CENPP: variants seen among roughly 807,000 people sequenced by gnomAD.
The protein encoded by CENPP is centromere protein P.
In CENPP, 24 loss-of-function variants were observed where a neutral mutation model predicts 35.6. The observed-to-expected ratio is 0.67, with a 90% CI of 0.49 to 0.95. The LOEUF is 0.95. CENPP is among the 40% of genes least tolerant of loss of function. CENPP has a pLI of 0.00. For synonymous variants in CENPP, 120 were observed against 125.5 expected, an observed-to-expected ratio of 0.96 and a Z score of 0.29; for missense variants, 332 against 345.3, an observed-to-expected ratio of 0.96 and a Z score of 0.31.
At position 92,613,911 on chromosome 9, in the gene CENPP, C is replaced by T. The variant is rs921006200; in HGVS notation, c.*762C>T. 1.3e-5 allele frequency: 2 copies of T among 152,264 alleles called. No individual in the cohort carries two copies. The highest frequency in any genetic ancestry group is 2.9e-5 in the Non-Finnish European group (2 of 68,088). The allele number at this position is 152,264 out of a possible 1,614,324, so 9.4% of individuals were successfully genotyped here. A position where few individuals can be genotyped will look rare whatever the true frequency, so the allele number is the denominator to read the frequency against. On this transcript the variant is annotated 3_prime_UTR_variant, in exon 8 of 8. Transcript: ENST00000375587. ...TAAGATCTGTGAACGCGTGTTGTCT[C>T]AAACCAGTCAGGGCCGTCATGACTA...
intron 5 of CENPP, chr9:92,509,775 A>G: frequency 9.5e-7 from 1 of 1,050,018 alleles, no homozygotes; most frequent in Non-Finnish European, 1.3e-6. Context: ...ATCAACTCAA[A>G]TGGTTAAGTG....
chr9:92,547,295 C>T (rs1000766078), intron 5 of CENPP, among the ~76,000 whole-genome samples: 1 of 152,220 alleles, frequency 6.6e-6, no homozygotes, highest in Non-Finnish European at 1.5e-5. Flanking sequence ...GCTTCAACTA[C>T]TAGCTGTATC....
At chr9:92,572,013 GCA>G in intron 5 of CENPP, among the ~76,000 whole-genome samples, 2 of 150,872 alleles carry the variant, frequency 1.3e-5, no homozygotes, top group South Asian at 4.2e-4. Flanking sequence ...CCTGAATACA[GCA>G]CACAGATGGG....
At chr9:92,514,982 T>C (rs750464502) in intron 5 of CENPP, 2 of 1,614,090 alleles carry the variant, frequency 1.2e-6, no homozygotes, top group Non-Finnish European at 1.7e-6. Flanking sequence ...TGCCCCTGAT[T>C]TCTAGATTCA....
Position 92,551,979 on chromosome 9 carries a change from GTGTGTATATATGTGAT to G in CENPP, c.565-59334_565-59319del, listed in dbSNP as rs1472958928. Among the ~76,000 whole-genome samples the G allele has an allele frequency of 7.3e-5, 4 of 54,784 alleles. No individual in the cohort carries two copies. In the African/African-American group the frequency reaches 8.9e-4, roughly 12 times the overall value. 35.9% of individuals were successfully genotyped at this position (54,784 alleles called of 152,430 possible). On this transcript the variant is annotated intron_variant, in intron 5 of 7. Transcript: ENST00000375587. ...ATATATATATGTGTGATATATATGT[GTGTGTATATATGTGAT>G]ATATATGTGTATATATATGATATGA...
chr9:92,337,741 G>A, intron 3 of CENPP, 112 bp downstream of exon 3: 2 of 752,770 alleles, frequency 2.7e-6, no homozygotes, highest in Non-Finnish European at 4.7e-6. Context: ...ATGAGCCAGG[G>A]CCCCCCCATT....
intron 5 of CENPP, chr9:92,495,402 A>C (rs970301265): frequency 1.0e-6 from 1 of 984,976 alleles, no homozygotes; most frequent in African/African-American, 1.7e-5. Flanking sequence ...GAATAAAATG[A>C]TGTATTTCAG....
rs1442613160 is a variant in CENPP, at chr9:92,551,962, A to G, written c.565-59352A>G. Among the ~76,000 whole-genome samples, 3 of 112,864 alleles carry G rather than the reference A, an allele frequency of 2.7e-5. 1 individual carries two copies. The highest frequency in any genetic ancestry group is 5.1e-5 in the Non-Finnish European group (3 of 58,632). 74.0% of individuals were successfully genotyped at this position (112,864 alleles called of 152,430 possible). On this transcript the variant is annotated intron_variant, in intron 5 of 7. Transcript: ENST00000375587. ...ATATATATATATATATGATATATAT[A>G]TGTGTGATATATATGTGTGTGTATA...
chr9:92,540,361 C>T (rs1849287619), intron 5 of CENPP, among the ~76,000 whole-genome samples: 1 of 151,454 alleles, frequency 6.6e-6, no homozygotes, highest in South Asian at 2.1e-4. Flanking sequence ...TCCCTTGAAC[C>T]CAGGCGGCAA....
At chr9:92,514,637 G>C (rs765700180) in intron 5 of CENPP, 32 of 1,577,968 alleles carry the variant, frequency 2.0e-5, no homozygotes, top group Non-Finnish European at 2.8e-5. Context: ...TTACCAGTGA[G>C]CTCCAGACTT....
chr9:92,445,831 C>G (rs574223906), intron 5 of CENPP, among the ~76,000 whole-genome samples: 1 of 150,850 alleles, frequency 6.6e-6, no homozygotes, highest in Non-Finnish European at 1.5e-5. Context: ...TGCAGTGAGC[C>G]GAGTTACACC....
At chr9:92,591,915 G>A (rs1191085790) in intron 5 of CENPP, among the ~76,000 whole-genome samples, 1 of 151,890 alleles carries the variant, frequency 6.6e-6, no homozygotes, top group Non-Finnish European at 1.5e-5. Context: ...TGCTTCATGA[G>A]GTCAGGAATA....
At chr9:92,337,038 C>T (rs1405768820) in intron 2 of CENPP, among the ~76,000 whole-genome samples, 1 of 152,224 alleles carries the variant, frequency 6.6e-6, no homozygotes, top group African/African-American at 2.4e-5. Flanking sequence ...GAAAACTTGG[C>T]CGGGCGCAGT....
chr9:92,565,470 T>A (rs1849947069), intron 5 of CENPP, among the ~76,000 whole-genome samples: 1 of 152,140 alleles, frequency 6.6e-6, no homozygotes, highest in Non-Finnish European at 1.5e-5. Context: ...TCTGGTCAAT[T>A]TCAGCTCTTA....
intron 1 of CENPP, among the ~76,000 whole-genome samples, chr9:92,327,065 C>A (rs1840561395): frequency 6.6e-6 from 1 of 152,212 alleles, no homozygotes; most frequent in Non-Finnish European, 1.5e-5. Context: ...TTGAGGTGTG[C>A]TCCACAGATG....
intron 4 of CENPP, among the ~76,000 whole-genome samples, chr9:92,375,214 G>C (rs1013531852): frequency 2.0e-5 from 3 of 151,296 alleles, no homozygotes; most frequent in Non-Finnish European, 4.4e-5. Context: ...AGTCTCTTAG[G>C]CTCCGTTTAT....
chr9:92,529,893 C>A (rs1848643191), intron 5 of CENPP, among the ~76,000 whole-genome samples: 3 of 152,186 alleles, frequency 2.0e-5, no homozygotes, highest in Non-Finnish European at 4.4e-5. Flanking sequence ...GGTTCTGCAT[C>A]TGTGGATTCA....
chr9:92,491,803 C>A (rs1846179947), intron 5 of CENPP, among the ~76,000 whole-genome samples: 1 of 152,142 alleles, frequency 6.6e-6, no homozygotes, highest in Non-Finnish European at 1.5e-5. Context: ...GTGAGTAATT[C>A]TTTTTCCTTT....
intron 5 of CENPP, among the ~76,000 whole-genome samples, chr9:92,551,098 G>A (rs1849577914): frequency 6.6e-6 from 1 of 152,132 alleles, no homozygotes; most frequent in South Asian, 2.1e-4. Flanking sequence ...ATTTCCTGGG[G>A]AGGTGGCTGT....
Sources: allele counts gnomAD v4.1 joint callset (sites outside exome capture counted in the v4.1 genomes callset), GRCh38; gene constraint gnomAD v4.1.1; transcripts MANE v1.5; gene names NCBI Gene and HGNC (gene_info 2026-07-23, HGNC 2026-07-21).